MTDH: variants seen among roughly 807,000 people sequenced by gnomAD.
The protein encoded by MTDH is protein LYRIC.
Under a neutral mutation model 72.7 loss-of-function variants are expected in MTDH, and 34 were observed. The observed-to-expected ratio is 0.47, with a 90% CI of 0.36 to 0.62. The LOEUF (loss-of-function observed/expected upper bound fraction) is 0.62. MTDH is among the 20% of genes least tolerant of loss of function. The pLI, the probability that MTDH is intolerant of heterozygous loss-of-function variation, is 0.00. For synonymous variants in MTDH, 266 were observed against 268.9 expected (o/e 0.99, Z 0.10); for missense variants, 677 against 699.4 (o/e 0.97, Z 0.36).
chr8:97,657,325 T>C (rs958810006), intron 1 of MTDH, among the ~76,000 whole-genome samples: 1 of 152,182 alleles, frequency 6.6e-6, no homozygotes, highest in African/African-American at 2.4e-5. Context: ...ACTTAAAACA[T>C]AGATTGTAAG....
chr8:97,669,424 AGGCATGAGCCACT>A (rs1812521727), intron 2 of MTDH, among the ~76,000 whole-genome samples: 1 of 152,148 alleles, frequency 6.6e-6, no homozygotes, highest in Non-Finnish European at 1.5e-5. Flanking sequence ...CTGGGATTAC[AGGCATGAGCCACT>A]GCGCCTGGCA....
intron 2 of MTDH, among the ~76,000 whole-genome samples, chr8:97,684,996 G>T (rs1314977469): frequency 6.6e-6 from 1 of 152,200 alleles, no homozygotes. Flanking sequence ...AACCTGGGAG[G>T]CAGAGGTTGC....
intron 9 of MTDH, among the ~76,000 whole-genome samples, chr8:97,715,430 C>T (rs1381452553): frequency 6.6e-6 from 1 of 152,108 alleles, no homozygotes; most frequent in Non-Finnish European, 1.5e-5. Flanking sequence ...CGCCCAGCCA[C>T]TTACTGTTTT....
intron 8 of MTDH, among the ~76,000 whole-genome samples, chr8:97,713,049 A>G (rs1814698503): frequency 6.6e-6 from 1 of 152,146 alleles, no homozygotes; most frequent in African/African-American, 2.4e-5. Context: ...ATAAAGTAGA[A>G]TTACCTATTC....
intron 2 of MTDH, among the ~76,000 whole-genome samples, chr8:97,671,698 C>G (rs1812632208): frequency 6.6e-6 from 1 of 152,046 alleles, no homozygotes; most frequent in South Asian, 2.1e-4. Flanking sequence ...CAAAAATTAG[C>G]TTGGCATGGT....
rs1286057275 is a variant in MTDH, at chr8:97,713,721, GA to G, written c.1340del (p.Lys447ArgfsTer19). The G allele has an allele frequency of 3.7e-6, 6 of 1,604,198 alleles. No homozygotes were observed. The highest frequency in any genetic ancestry group is 3.4e-5 in the South Asian group (3 of 89,396). ...CTCTTCCAACTGGGAAATCCAAAAA[GA>G]AAAAAAAGAAAAAGAAGAAGCAAGG... The part of the protein sequence containing the change: ...GALPTGKSKK[K>X]KKKKKKQGED... On this transcript the variant is annotated frameshift_variant, in exon 9 of 12. Transcript: ENST00000336273. LOFTEE classifies it high-confidence loss of function.
At chr8:97,678,977 G>A (rs1009819508) in intron 2 of MTDH, among the ~76,000 whole-genome samples, 4 of 152,112 alleles carry the variant, frequency 2.6e-5, no homozygotes, top group South Asian at 2.1e-4. Context: ...ATTAAAGAGC[G>A]TTTGTACGTT....
chr8:97,689,895 GAT>G, intron 5 of MTDH, among the ~76,000 whole-genome samples: 2 of 151,580 alleles, frequency 1.3e-5, no homozygotes, highest in Non-Finnish European at 2.9e-5. Flanking sequence ...TTTTAGTAGA[GAT>G]GGGGTTTCAC....
chr8:97,720,384 C>T (rs934255561), intron 10 of MTDH, among the ~76,000 whole-genome samples: 2 of 152,010 alleles, frequency 1.3e-5, no homozygotes, highest in African/African-American at 4.8e-5. Context: ...TGAGACCAGC[C>T]TGGGCAACAT....
chr8:97,723,660 G>A (rs1232273599), intron 11 of MTDH, among the ~76,000 whole-genome samples: 6 of 148,560 alleles, frequency 4.0e-5, no homozygotes, highest in African/African-American at 1.2e-4. Flanking sequence ...GGAGAATGGC[G>A]TGAACCCGGG....
Position 97,722,995 on chromosome 8 carries a change from C to T in MTDH, c.1638C>T (p.Ser546=), listed in dbSNP as rs1815191367. Residue 546 remains serine, a synonymous_variant, in exon 11 of 12, where the codon TCC becomes TCT. Coordinates refer to ENST00000336273, the MANE Select transcript of MTDH (RefSeq NM_178812.4). ...CAATACTACAAGAGACAGATAAATC[C>T]AAGTCAAATACCAAGCAAAATAGTG... ...VPPILQETDK[S]KSNTKQNSVP... 1 of 1,613,938 alleles carries T rather than the reference C, an allele frequency of 6.2e-7. No individual in the cohort carries two copies. The highest frequency in any genetic ancestry group is 1.7e-5 in the Admixed American group (1 of 59,968).
intron 2 of MTDH, among the ~76,000 whole-genome samples, chr8:97,670,273 G>A (rs893595029): frequency 6.6e-6 from 1 of 152,208 alleles, no homozygotes; most frequent in Non-Finnish European, 1.5e-5. Flanking sequence ...CTGAGATCGT[G>A]GCACTGCCCT....
chr8:97,701,039 G>A (rs1236223634), intron 7 of MTDH, among the ~76,000 whole-genome samples: 2 of 152,180 alleles, frequency 1.3e-5, no homozygotes, highest in Non-Finnish European at 2.9e-5. Flanking sequence ...CAGTAGATAC[G>A]AATTTTAGTC....
intron 7 of MTDH, among the ~76,000 whole-genome samples, chr8:97,701,434 A>G (rs1814122200): frequency 1.3e-5 from 2 of 152,242 alleles, no homozygotes; most frequent in South Asian, 4.1e-4. Flanking sequence ...AAAAGTGTGT[A>G]CATATTCAGT....
intron 2 of MTDH, among the ~76,000 whole-genome samples, chr8:97,670,155 A>G (rs1812554173): frequency 1.3e-5 from 2 of 151,744 alleles, no homozygotes; most frequent in African/African-American, 4.8e-5. Context: ...TCTCTATTAA[A>G]AATACAAAAA....
chr8:97,706,692 T>A lies in MTDH; in HGVS notation c.1214T>A (p.Val405Glu). 1 of 1,613,908 alleles carries A rather than the reference T, an allele frequency of 6.2e-7. No homozygotes were observed. The highest frequency in any genetic ancestry group is 8.5e-7 in the Non-Finnish European group (1 of 1,179,900). ...NAPAEEWGNW[V>E]DEERASLLKS... ...CCAGCAGAAGAGTGGGGCAATTGGG[T>A]AGACGAAGAAAGAGCTTCACTTCTA... The change falls in exon 8 of 12, where the codon GTA (valine) becomes GAA (glutamate). Residue 405 changes from valine to glutamate, a missense_variant. Val to Glu is a moderately radical substitution (Grantham distance 121). Around this residue, in one of 3 missense-constraint regions of MTDH, gnomAD observed 201 missense variants for 204.5 expected, o/e 0.98. Transcript: ENST00000336273.
intron 1 of MTDH, among the ~76,000 whole-genome samples, chr8:97,649,721 A>G (rs1355091176): frequency 6.6e-6 from 1 of 150,448 alleles, no homozygotes; most frequent in Non-Finnish European, 1.5e-5. Flanking sequence ...CTCCCACCTC[A>G]GCCCCTCGAG....
intron 1 of MTDH, among the ~76,000 whole-genome samples, chr8:97,654,779 A>G (rs1161195829): frequency 6.6e-6 from 1 of 152,124 alleles, no homozygotes; most frequent in Non-Finnish European, 1.5e-5. Context: ...TGCCTCCTGT[A>G]TGCTCAGTAT....
At chr8:97,714,325 A>G (rs983579044) in intron 9 of MTDH, among the ~76,000 whole-genome samples, 1 of 152,196 alleles carries the variant, frequency 6.6e-6, no homozygotes, top group Non-Finnish European at 1.5e-5. Context: ...CAGAGTTGAA[A>G]TTTTAAGCTG....
Sources: gnomAD v4.1 joint callset for allele counts (sites outside exome capture counted in the v4.1 genomes callset) on GRCh38, gnomAD v4.1.1 for gene constraint, gnomAD v4.1.1 regional missense constraint, MANE v1.5 for transcripts, NCBI Gene and HGNC (gene_info 2026-07-23, HGNC 2026-07-21) for gene names.